The following XYLT1 variants were observed in gnomAD, a reference collection of about 807,000 sequenced individuals.
The protein encoded by XYLT1 is beta-D-xylosyltransferase 1.
XYLT1 carries 36 observed loss-of-function variants against 91.3 expected under a neutral mutation model. The observed-to-expected ratio is 0.39, with a 90% confidence interval of 0.30 to 0.52. The LOEUF is 0.52. Among genes scored for constraint, XYLT1 ranks in the 20% least tolerant of loss-of-function variants. The probability of loss-of-function intolerance (pLI) is 0.68; values close to 1 mark genes in which losing one functional copy is unlikely to be tolerated. For synonymous variants in XYLT1, 588 were observed against 532.0 expected (o/e 1.11, Z -1.45); for missense variants, 1,242 against 1,284.5 (o/e 0.97, Z 0.51).
chr16:17,156,913 A>T (rs1003990704), intron 6 of XYLT1, among the ~76,000 whole-genome samples: 1 of 151,998 alleles, frequency 6.6e-6, no homozygotes, highest in Non-Finnish European at 1.5e-5. Flanking sequence ...TCAATTTAGA[A>T]AAATGATACA....
chr16:17,338,224 A>G (rs1314434456), intron 2 of XYLT1: 2 of 456,420 alleles, frequency 4.4e-6, no homozygotes, highest in Non-Finnish European at 8.8e-6. Context: ...ATTCCCCACG[A>G]AGCAGCCAGA....
intron 11 of XYLT1, among the ~76,000 whole-genome samples, chr16:17,116,090 G>T (rs1966851840): frequency 6.6e-6 from 1 of 151,766 alleles, no homozygotes; most frequent in Non-Finnish European, 1.5e-5. Context: ...TGCTTTACAA[G>T]TATGGAAAAA....
chr16:17,277,591 T>C (rs1461383732), intron 2 of XYLT1, among the ~76,000 whole-genome samples: 1 of 152,148 alleles, frequency 6.6e-6, no homozygotes, highest in Non-Finnish European at 1.5e-5. Context: ...GGTTTCACCA[T>C]GTAGGCCAGG....
intron 6 of XYLT1, among the ~76,000 whole-genome samples, chr16:17,145,409 A>T (rs1404896751): frequency 6.6e-6 from 1 of 152,194 alleles, no homozygotes; most frequent in Non-Finnish European, 1.5e-5. Flanking sequence ...CAGCAATGCA[A>T]GCTGGGTCTG....
intron 1 of XYLT1, among the ~76,000 whole-genome samples, chr16:17,379,327 G>C (rs569014052): frequency 6.6e-6 from 1 of 152,180 alleles, no homozygotes; most frequent in Non-Finnish European, 1.5e-5. Context: ...AAAACTCAGC[G>C]CAAATGGCTG....
rs190724519 is a variant in XYLT1, at chr16:17,184,334, C to T, written c.1289+13878G>A. On this transcript the variant is annotated intron_variant, in intron 5 of 11. Transcript: ENST00000261381. ...TGTGAGATCTGGAGAGGGAGGGATT[C>T]GGAAGAAAATACATTGCAAAATTCA... Among the ~76,000 whole-genome samples the T allele has an allele frequency of 2.1e-3, 312 of 151,978 alleles. 1 individual carries two copies. The highest frequency in any genetic ancestry group is 7.2e-3 in the African/African-American group (297 of 41,468).
chr16:17,442,317 T>G (rs1419016114), intron 1 of XYLT1, among the ~76,000 whole-genome samples: 1 of 152,212 alleles, frequency 6.6e-6, no homozygotes, highest in Non-Finnish European at 1.5e-5. Flanking sequence ...AAAAAAGCTG[T>G]TATCAAATTG....
chr16:17,134,714 A>G lies in XYLT1; in HGVS notation c.1786T>C (p.Phe596Leu), dbSNP rs767334405. 1 of 1,614,182 alleles carries G rather than the reference A, an allele frequency of 6.2e-7. No individual in the cohort carries two copies. The highest frequency in any genetic ancestry group is 8.5e-7 in the Non-Finnish European group (1 of 1,180,012). Residue 596 changes from phenylalanine (F) to leucine (L), a missense_variant, in exon 9 of 12, where the codon TTT (phenylalanine) becomes CTT (leucine). Phe to Leu is a conservative substitution (Grantham distance 22). Around this residue, in one of 3 missense-constraint regions of XYLT1, gnomAD observed 511 missense variants for 497.0 expected, o/e 1.03. Transcript: ENST00000261381. ...RFQQTARPTF[F>L]ARKFEAVVNQ... Reference sequence around the variant, plus strand: ...ACCACGGCTTCAAACTTGCGGGCAAAGAAGGTAGGCCGGGCTGTCTGCTGT... The same window carrying G: ...ACCACGGCTTCAAACTTGCGGGCAAGGAAGGTAGGCCGGGCTGTCTGCTGT...
chr16:17,349,881 TC>T (rs2035195897), intron 2 of XYLT1, among the ~76,000 whole-genome samples: 1 of 151,996 alleles, frequency 6.6e-6, no homozygotes, highest in Non-Finnish European at 1.5e-5. Flanking sequence ...ACAAGAGTGA[TC>T]TTTTTTTTTT....
intron 1 of XYLT1, among the ~76,000 whole-genome samples, chr16:17,416,964 T>C (rs983691716): frequency 6.6e-6 from 1 of 152,154 alleles, no homozygotes; most frequent in Non-Finnish European, 1.5e-5. Context: ...AATCAAATAA[T>C]AACCAGGCAA....
rs796101198 is a variant in XYLT1 at position 17,171,510 on chromosome 16, T to G, written c.1290-12601A>C. Among the ~76,000 whole-genome samples the G allele has an allele frequency of 2.0e-5, 3 of 152,340 alleles. No homozygotes were observed. In the South Asian group the frequency reaches 6.2e-4, roughly 32 times the overall value. On this transcript the variant is annotated intron_variant, in intron 5 of 11. Coordinates refer to ENST00000261381, the MANE Select transcript of XYLT1 (RefSeq NM_022166.4). ...GAGGATCAGGACATGCTGCGTCCAG[T>G]AGACTCTTTACCCACAGATTTCCAA...
chr16:17,194,430 C>G (rs1400241505), intron 5 of XYLT1, among the ~76,000 whole-genome samples: 2 of 152,216 alleles, frequency 1.3e-5, no homozygotes, highest in Non-Finnish European at 2.9e-5. Context: ...TGGTCTTGGG[C>G]TTAATGCGGG....
intron 1 of XYLT1, among the ~76,000 whole-genome samples, chr16:17,364,240 T>C (rs1034436265): frequency 6.6e-6 from 1 of 152,190 alleles, no homozygotes; most frequent in African/African-American, 2.4e-5. Context: ...CAGGTAGGAT[T>C]ATACTTGCCA....
At chr16:17,430,148 G>C (rs1035472453) in intron 1 of XYLT1, among the ~76,000 whole-genome samples, 3 of 151,884 alleles carry the variant, frequency 2.0e-5, no homozygotes, top group African/African-American at 7.3e-5. Flanking sequence ...TGTTGGCCAG[G>C]CTGGTCTTGA....
chr16:17,180,162 G>A (rs562426031), intron 5 of XYLT1, among the ~76,000 whole-genome samples: 4 of 152,314 alleles, frequency 2.6e-5, no homozygotes, highest in South Asian at 4.1e-4. Flanking sequence ...TCTCCCGGTC[G>A]CTCAGTTCAT....
At chr16:17,238,588 G>A (rs764406015) in intron 3 of XYLT1, among the ~76,000 whole-genome samples, 9 of 152,142 alleles carry the variant, frequency 5.9e-5, no homozygotes, top group African/African-American at 1.4e-4. Context: ...TGATGCTGTC[G>A]GACCCCAATA....
At chr16:17,248,843 G>T (rs767828467) in intron 3 of XYLT1, among the ~76,000 whole-genome samples, 4 of 151,272 alleles carry the variant, frequency 2.6e-5, no homozygotes, top group Non-Finnish European at 5.9e-5. Context: ...CTCCTCCCGG[G>T]CTAAAGCAAT....
chr16:17,344,951 T>C (rs1278034281), intron 2 of XYLT1, among the ~76,000 whole-genome samples: 2 of 152,158 alleles, frequency 1.3e-5, no homozygotes, highest in East Asian at 3.9e-4. Context: ...TCTGCCTGCC[T>C]CAGCCTCCCA....
chr16:17,141,073 C>A, intron 7 of XYLT1, 80 bp downstream of exon 7: 1 of 1,432,522 alleles, frequency 7.0e-7, no homozygotes, highest in Non-Finnish European at 9.7e-7. Context: ...AATCTCTTTG[C>A]CAAAAATTCA....
Sources: allele counts gnomAD v4.1 joint callset (sites outside exome capture counted in the v4.1 genomes callset), GRCh38; gene constraint gnomAD v4.1.1; regional missense constraint gnomAD v4.1.1; transcripts MANE v1.5; gene names NCBI Gene and HGNC (gene_info 2026-07-23, HGNC 2026-07-21).